LCN12: variants seen among roughly 807,000 people sequenced by gnomAD.
The protein encoded by LCN12 is lipocalin 12, also known as epididymal-specific lipocalin-12.
Under a neutral mutation model 23.7 loss-of-function variants are expected in LCN12, and 15 were observed. That is an observed-to-expected ratio of 0.63 (90% CI 0.42 to 0.97). The LOEUF (loss-of-function observed/expected upper bound fraction) is 0.97. Among genes scored for constraint, LCN12 ranks in the 50% least tolerant of loss-of-function variants. The pLI is 0.00. For missense variants in LCN12, 219 were observed against 249.6 expected (o/e 0.88, Z 0.83); for synonymous variants, 116 against 111.5 (o/e 1.04, Z -0.25).
upstream of LCN12, among the ~76,000 whole-genome samples, chr9:136,952,097 C>T (rs1417060321): frequency 7.1e-6 from 1 of 140,238 alleles, no homozygotes; most frequent in Non-Finnish European, 1.6e-5. Context: ...CCTCCTACCC[C>T]ACCTGGCTGG....
chr9:136,954,490 C>A, intron 5 of LCN12: 1 of 583,376 alleles, frequency 1.7e-6, no homozygotes. Flanking sequence ...TCTCCTGTCC[C>A]GGGCCACCTC....
At chr9:136,955,003 T>TGGCACACATGCTGTCTACCCGTGCACA in intron 5 of LCN12, 1 of 1,353,514 alleles carries the variant, frequency 7.4e-7, no homozygotes, top group South Asian at 1.5e-5. Flanking sequence ...CCACTCACAC[T>TGGCACACATGCTGTCTACCCGTGCACA]GGCACACATG....
intron 2 of LCN12, 59 bp from the exon 3 acceptor site, chr9:136,953,641 C>T: frequency 7.4e-7 from 1 of 1,348,550 alleles, no homozygotes; most frequent in Non-Finnish European, 1.0e-6. Context: ...GAGGGGCCCA[C>T]CTCAGCATGG....
chr9:136,953,939 GGCC>G lies in LCN12; in HGVS notation c.425_427del (p.Ala142del). ...TGTCCCGCAGACACACGAGCAGGCT[GGCC>G]GTCCTCAGGATCAGCCTGCTGGGTG... On this transcript the variant is annotated inframe_deletion, in exon 4 of 6. Coordinates refer to ENST00000371633, the MANE Select transcript of LCN12 (RefSeq NM_178536.4). 1 of 1,610,906 alleles carries G rather than the reference GGCC, an allele frequency of 6.2e-7. No individual in the cohort carries two copies.
chr9:136,952,973 G>A lies in LCN12; in HGVS notation c.196G>A (p.Ala66Thr), dbSNP rs757580810. The change falls in exon 2 of 6, where the codon GCA (alanine) becomes ACA (threonine). Residue 66 changes from alanine (A) to threonine (T), a missense_variant. Physicochemically the swap from Ala to Thr is moderately conservative, Grantham distance 58. Coordinates refer to ENST00000371633, the MANE Select transcript of LCN12 (RefSeq NM_178536.4). ...EHRALLNAFT[A>T]TFELSDDGRF... ...CAGGGCGCTGCTGAACGCTTTCACC[G>A]CAACTTTTGAGCTAAGTGATGATGG... 10 of 1,612,618 alleles carry A rather than the reference G, an allele frequency of 6.2e-6. 2 individuals are homozygous for A. Among genetic ancestry groups the A allele is most frequent in the Middle Eastern group, 1.6e-4 (1 of 6,082 alleles).
upstream of LCN12, among the ~76,000 whole-genome samples, chr9:136,951,971 G>A (rs1256193144): frequency 6.6e-6 from 1 of 152,246 alleles, no homozygotes; most frequent in Non-Finnish European, 1.5e-5. Flanking sequence ...CAGGGAGGAA[G>A]GCTGGGGCAG....
Position 136,953,020 on chromosome 9 carries a change from G to A in LCN12, c.243G>A (p.Ala81=), listed in dbSNP as rs747778831. The change falls in exon 2 of 6, where the codon GCG becomes GCA. Residue 81 remains alanine, a synonymous_variant. Coordinates refer to ENST00000371633, the MANE Select transcript of LCN12 (RefSeq NM_178536.4). Reference sequence around the variant, plus strand: ...ATGGCCGCTTTGAGGTGTGGAATGCGATGACTCGGTGAGTGGCTGTCCCTG... The same window carrying A: ...ATGGCCGCTTTGAGGTGTGGAATGCAATGACTCGGTGAGTGGCTGTCCCTG... ...SDDGRFEVWN[A]MTRGQHCDTW... 1.1e-5 allele frequency: 18 copies of A among 1,613,942 alleles called. 1 individual carries two copies. The highest frequency in any genetic ancestry group is 1.4e-5 in the Non-Finnish European group (16 of 1,179,956).
Position 136,953,879 on chromosome 9 carries a change from G to C in LCN12, c.363G>C (p.Val121=), listed in dbSNP as rs749974041. The change falls in exon 4 of 6, where the codon GTG becomes GTC. Residue 121 remains valine, a synonymous_variant. Coordinates refer to ENST00000371633, the MANE Select transcript of LCN12 (RefSeq NM_178536.4). ...EPGADREETR[V]VDSDYTQFAL... is the part of the protein sequence containing the mutation. Reference sequence around the variant, plus strand: ...GGGCGGACAGAGAGGAGACCCGGGTGGTGGACAGCGACTACACCCAGTTCG... The same window carrying C: ...GGGCGGACAGAGAGGAGACCCGGGTCGTGGACAGCGACTACACCCAGTTCG... The C allele has an allele frequency of 1.4e-5, 22 of 1,606,774 alleles. No homozygotes were observed. Among genetic ancestry groups the C allele is most frequent in the South Asian group, 2.2e-5 (2 of 89,882 alleles).
At chr9:136,949,347 G>C (rs1851097849), upstream of LCN12, among the ~76,000 whole-genome samples, 1 of 152,254 alleles carries the variant, frequency 6.6e-6, no homozygotes, top group Admixed American at 6.5e-5. Context: ...GCCTTGCCTG[G>C]ACGTGAGAGT....
chr9:136,954,552 C>T (rs1319841726), intron 5 of LCN12: 3 of 470,744 alleles, frequency 6.4e-6, no homozygotes, highest in East Asian at 1.1e-4. Context: ...CCCTCCCGCC[C>T]CAGGTCCCCT....
downstream of LCN12, among the ~76,000 whole-genome samples, chr9:136,956,335 G>A (rs1851318080): frequency 6.6e-6 from 1 of 152,144 alleles, no homozygotes; most frequent in South Asian, 2.1e-4. Context: ...CAGAAGCATG[G>A]CCCTTGTTTA....
rs1458784698 is a variant in LCN12 at position 136,954,189 on chromosome 9, C to T, written c.484C>T (p.Gln162Ter). The T allele has an allele frequency of 3.2e-6, 5 of 1,574,260 alleles. No homozygotes were observed. The highest frequency in any genetic ancestry group is 2.7e-5 in the African/African-American group (2 of 74,090). ...GTTGCTGCCTCCCGGGACGCTGGAC[C>T]AGTTCATCTGCCTGGGCAGAGCTCA... ...SWLLPPGTLD[Q>*]FICLGRAQGL... The change falls in exon 5 of 6, where the codon CAG becomes TAG. Residue 162 changes from glutamine to a stop codon, truncating the protein, a stop_gained. Coordinates refer to ENST00000371633, the MANE Select transcript of LCN12 (RefSeq NM_178536.4). LOFTEE classifies it high-confidence loss of function.
At chr9:136,952,255 G>A, upstream of LCN12, 2 of 1,026,306 alleles carry the variant, frequency 1.9e-6, no homozygotes, top group Non-Finnish European at 3.0e-6. Context: ...TGTGCATGAA[G>A]AGGTGGGTCT....
chr9:136,952,254 A>G, upstream of LCN12: 2 of 1,020,090 alleles, frequency 2.0e-6, no homozygotes, highest in Non-Finnish European at 1.5e-6. Flanking sequence ...ATGTGCATGA[A>G]GAGGTGGGTC....
Position 136,953,788 on chromosome 9 carries a change from G to A in LCN12, c.331+9G>A, listed in dbSNP as rs368215046. On this transcript the variant is annotated intron_variant, in intron 3 of 5. Coordinates refer to ENST00000371633, the MANE Select transcript of LCN12 (RefSeq NM_178536.4). ...TGTGGACCACGGTGTGGGTAAGCCA[G>A]TCACAGGAGGGAGGGACGGGGTGCT... is the stretch of plus-strand genomic sequence containing the variant. 13 of 1,605,130 alleles carry A rather than the reference G, an allele frequency of 8.1e-6. No homozygotes were observed. The South Asian group carries it at 1.1e-4, about 14-fold the overall frequency.
intron 5 of LCN12, 148 bp downstream of exon 5, chr9:136,954,403 C>A: frequency 2.1e-6 from 2 of 959,354 alleles, no homozygotes; most frequent in South Asian, 2.8e-5. Flanking sequence ...TCCTGGGTCC[C>A]TGTGCTCAAC....
At position 136,953,789 on chromosome 9, in the gene LCN12, T is replaced by G. The variant is rs1482771334; in HGVS notation, c.331+10T>G. 6.2e-7 allele frequency: 1 copy of G among 1,605,224 alleles called. No homozygotes were observed. Among genetic ancestry groups the G allele is most frequent in the Admixed American group, 1.7e-5 (1 of 58,798 alleles). ...GTGGACCACGGTGTGGGTAAGCCAG[T>G]CACAGGAGGGAGGGACGGGGTGCTG... On this transcript the variant is annotated intron_variant, in intron 3 of 5. Coordinates refer to ENST00000371633, the MANE Select transcript of LCN12 (RefSeq NM_178536.4).
At position 136,955,446 on chromosome 9, in the gene LCN12, C is replaced by T. The variant is rs749391766; in HGVS notation, c.*47C>T. On this transcript the variant is annotated 3_prime_UTR_variant, in exon 6 of 6. Coordinates refer to ENST00000371633, the MANE Select transcript of LCN12 (RefSeq NM_178536.4). The stretch of plus-strand genomic sequence containing the variant: ...GGCCCAGCCCTGCCTCACAGCTGTG[C>T]GAGCTCTGCCCTCCTCAGCTCTCAA... 9 of 1,567,796 alleles carry T rather than the reference C, an allele frequency of 5.7e-6. No homozygotes were observed. Among genetic ancestry groups the T allele is most frequent in the East Asian group, 4.5e-5 (2 of 44,590 alleles).
intron 2 of LCN12, 132 bp downstream of exon 2, chr9:136,953,160 C>A: frequency 7.9e-7 from 1 of 1,258,488 alleles, no homozygotes; most frequent in South Asian, 1.4e-5. Flanking sequence ...TGCCAATGAC[C>A]AAACCCAGCT....
Sources: gnomAD v4.1 joint callset for allele counts (sites outside exome capture counted in the v4.1 genomes callset) on GRCh38, gnomAD v4.1.1 for gene constraint, MANE v1.5 for transcripts, NCBI Gene and HGNC (gene_info 2026-07-23, HGNC 2026-07-21) for gene names.